Variants in FTO observed in about 807,000 individuals in gnomAD.
FTO encodes the protein alpha-ketoglutarate-dependent dioxygenase FTO.
FTO carries 47 observed loss-of-function variants against 63.9 expected under a neutral mutation model. The ratio of observed to expected loss-of-function variants is 0.74; its 90% confidence interval spans 0.58 to 0.94. The LOEUF (loss-of-function observed/expected upper bound fraction) is 0.94, where lower values mean the gene tolerates loss of function less well. FTO is among the 40% of genes least tolerant of loss of function. FTO has a pLI of 0.00. For synonymous variants in FTO, 207 were observed against 224.4 expected (o/e 0.92, Z 0.69); for missense variants, 562 against 618.1 (o/e 0.91, Z 0.96).
intron 7 of FTO, among the ~76,000 whole-genome samples, chr16:53,917,113 C>T (rs2081889652): frequency 6.6e-6 from 1 of 152,190 alleles, no homozygotes; most frequent in African/African-American, 2.4e-5. Flanking sequence ...TTCTGCCAGC[C>T]ATCCTTACTC....
At chr16:53,769,773 A>G (rs1263105116) in intron 1 of FTO, among the ~76,000 whole-genome samples, 2 of 152,092 alleles carry the variant, frequency 1.3e-5, no homozygotes, top group Non-Finnish European at 2.9e-5. Context: ...TTTCTTGTTT[A>G]TGTAACAGTA....
rs1336205015 is a variant in FTO, at chr16:54,097,613, G to A, written c.1365-14149G>A. Among the ~76,000 whole-genome samples the A allele has an allele frequency of 4.6e-5, 7 of 152,326 alleles. No individual in the cohort carries two copies. The East Asian group carries it at 1.2e-3, about 25-fold the overall frequency. On this transcript the variant is annotated intron_variant, in intron 8 of 8. Coordinates refer to ENST00000471389, the MANE Select transcript of FTO (RefSeq NM_001080432.3). ...ATGCAAGATGCTTTCAATCCCTTGTGCACTCCACAGTATTTATTGCTGCTA... is the reference window on the plus strand; with the variant it reads ...ATGCAAGATGCTTTCAATCCCTTGTACACTCCACAGTATTTATTGCTGCTA...
At chr16:53,867,493 A>G (rs868511067) in intron 4 of FTO, among the ~76,000 whole-genome samples, 304 of 140,424 alleles carry the variant, frequency 2.2e-3, no homozygotes, top group Middle Eastern at 7.5e-3. Flanking sequence ...TACGCCACAT[A>G]TGTGTGTGTG....
chr16:53,997,704 CTT>C (rs10595845), intron 8 of FTO, among the ~76,000 whole-genome samples: 103,735 of 149,230 alleles, frequency 0.7, 36,915 homozygotes, highest in African/African-American at 0.87. Context: ...TGATTTGGAT[CTT>C]TTTTTTTTTA....
At chr16:53,763,460 A>G (rs1018060852) in intron 1 of FTO, among the ~76,000 whole-genome samples, 12 of 152,192 alleles carry the variant, frequency 7.9e-5, no homozygotes, top group Non-Finnish European at 1.3e-4. Context: ...TGTGGAAGAA[A>G]GAATCAAATT....
chr16:53,711,388 G>A (rs896507885), intron 1 of FTO: 13 of 398,584 alleles, frequency 3.3e-5, no homozygotes, highest in Middle Eastern at 6.3e-4. Context: ...GTGTCGAGTA[G>A]TGTACTCAGC....
rs540879934 is a variant in FTO, at chr16:53,820,721, A to G, written c.124-5143A>G. Among the ~76,000 whole-genome samples the G allele has an allele frequency of 1.8e-3, 272 of 150,654 alleles. 1 individual carries two copies. The highest frequency in any genetic ancestry group is 6.3e-3 in the African/African-American group (259 of 40,956). On this transcript the variant is annotated intron_variant, in intron 2 of 8. Coordinates refer to ENST00000471389, the MANE Select transcript of FTO (RefSeq NM_001080432.3). ...TCAATTCCCACCTATGAGTGAGAAT[A>G]TGCGGTGTTTGGTTTTTTGTTCTTG...
At chr16:54,061,173 G>C (rs1489610270) in intron 8 of FTO, among the ~76,000 whole-genome samples, 1 of 152,116 alleles carries the variant, frequency 6.6e-6, no homozygotes, top group East Asian at 1.9e-4. Flanking sequence ...AGAAACATGC[G>C]GTGATTCGGA....
chr16:53,957,157 C>T lies in FTO; in HGVS notation c.1364+23048C>T, dbSNP rs1453200265. Among the ~76,000 whole-genome samples, 8 of 152,200 alleles carry T rather than the reference C, an allele frequency of 5.3e-5. No individual in the cohort carries two copies. The East Asian group carries it at 1.4e-3, about 26-fold the overall frequency. ...AAATTTTCTTATCCCCTGGCTTGCC[C>T]GGGGCTGGCATTTCTGACAGACGTG... On this transcript the variant is annotated intron_variant, in intron 8 of 8. Coordinates refer to ENST00000471389, the MANE Select transcript of FTO (RefSeq NM_001080432.3).
At chr16:54,082,509 CAT>C (rs1178400961) in intron 8 of FTO, among the ~76,000 whole-genome samples, 1 of 152,178 alleles carries the variant, frequency 6.6e-6, no homozygotes, top group Non-Finnish European at 1.5e-5. Context: ...ACATTGTTTT[CAT>C]ATGTGTTATG....
intron 8 of FTO, among the ~76,000 whole-genome samples, chr16:54,079,871 ATTTTTCTCTTCTTTT>A (rs1173593549): frequency 6.6e-6 from 1 of 152,020 alleles, no homozygotes; most frequent in Non-Finnish European, 1.5e-5. Flanking sequence ...ATCTCTATTT[ATTTTTCTCTTCTTTT>A]TAGGAACTAA....
chr16:54,095,555 A>G (rs1436593101), intron 8 of FTO, among the ~76,000 whole-genome samples: 2 of 151,540 alleles, frequency 1.3e-5, no homozygotes, highest in Non-Finnish European at 2.9e-5. Flanking sequence ...TTAGCTTTTC[A>G]TCCTGTCTCA....
In FTO at chr16:53,826,124, C is replaced by T. The variant is rs367910744; in HGVS notation, c.384C>T (p.Thr128=). The part of the protein sequence containing the change: ...WPVKGSNIKH[T]EAEIAAACET... ...TGAAAGGGTCTAATATAAAACACAC[C>T]GAGGCTGAAATAGCCGCTGCTTGTG... Residue 128 remains threonine, a synonymous_variant, in exon 3 of 9, where the codon ACC becomes ACT. Transcript: ENST00000471389. 17 of 1,614,014 alleles carry T rather than the reference C, an allele frequency of 1.1e-5. No individual in the cohort carries two copies. The Admixed American group carries it at 1.3e-4, about 13-fold the overall frequency.
chr16:54,118,758 G>A lies in FTO; in HGVS notation c.*6843G>A, dbSNP rs954867975. The A allele has an allele frequency of 1.1e-4, 16 of 152,146 alleles. No individual in the cohort carries two copies. The highest frequency in any genetic ancestry group is 2.6e-4 in the Admixed American group (4 of 15,270). 9.4% of individuals were successfully genotyped at this position (152,146 alleles called of 1,614,324 possible). A position where few individuals can be genotyped will look rare whatever the true frequency, so the allele number is the denominator to read the frequency against. ...CACCCTTCTTCCCTTCCCAGCCTCC[G>A]AGAGAAGGAGAGAGGGTCCACAAGC... On this transcript the variant is annotated 3_prime_UTR_variant, in exon 9 of 9. Transcript: ENST00000471389.
chr16:54,085,052 C>T (rs905265832), intron 8 of FTO, among the ~76,000 whole-genome samples: 1 of 147,444 alleles, frequency 6.8e-6, no homozygotes, highest in East Asian at 2.0e-4. Context: ...GCCTTACTTA[C>T]TGCTCCCTAA....
At chr16:53,973,529 G>A (rs1326864038) in intron 8 of FTO, among the ~76,000 whole-genome samples, 1 of 152,146 alleles carries the variant, frequency 6.6e-6, no homozygotes, top group Non-Finnish European at 1.5e-5. Flanking sequence ...GCAACAGGTT[G>A]GAAAGGGCTA....
rs1421270172 is a variant in FTO at position 54,115,671 on chromosome 16, G to A, written c.*3756G>A. On this transcript the variant is annotated 3_prime_UTR_variant, in exon 9 of 9. Coordinates refer to ENST00000471389, the MANE Select transcript of FTO (RefSeq NM_001080432.3). ...CCTGAAGCCGAGAAGACCAGGAGGGGAGAAGGGGAGATGTAGGGCAGAGCA... is the reference window on the plus strand; with the variant it reads ...CCTGAAGCCGAGAAGACCAGGAGGGAAGAAGGGGAGATGTAGGGCAGAGCA... 1.3e-5 allele frequency: 2 copies of A among 152,350 alleles called. No individual in the cohort carries two copies. The highest frequency in any genetic ancestry group is 2.9e-5 in the Non-Finnish European group (2 of 68,230). The allele number at this position is 152,350 out of a possible 1,614,324, so 9.4% of individuals were successfully genotyped here. A position where few individuals can be genotyped will look rare whatever the true frequency, so the allele number is the denominator to read the frequency against.
At position 53,879,863 on chromosome 16, in the gene FTO, A is replaced by G. The variant is rs201510895; in HGVS notation, c.995A>G (p.Asp332Gly). ...CAACAGTGCTCAACAGGAACCTTGG[A>G]TTATATTTTACAACGCTGTCAGTTG... Reference protein sequence around the residue: ...RVAECSTGTLDYILQRCQLAL... With the variant: ...RVAECSTGTLGYILQRCQLAL... The change falls in exon 6 of 9, where the codon GAT (aspartate) becomes GGT (glycine). Residue 332 changes from aspartate (D) to glycine (G), a missense_variant. By Grantham distance (94) the Asp-to-Gly change is moderately conservative (BLOSUM62 -1). Transcript: ENST00000471389. 415 of 1,613,900 alleles carry G rather than the reference A, an allele frequency of 2.6e-4. 1 individual carries two copies. Among genetic ancestry groups the G allele is most frequent in the Non-Finnish European group, 3.6e-5 (42 of 1,179,964 alleles).
At chr16:53,733,005 G>A (rs1231636815) in intron 1 of FTO, among the ~76,000 whole-genome samples, 2 of 152,220 alleles carry the variant, frequency 1.3e-5, no homozygotes, top group Non-Finnish European at 2.9e-5. Flanking sequence ...AGAGCCTTAA[G>A]ACCTCAAACC....
Sources: allele counts gnomAD v4.1 joint callset (sites outside exome capture counted in the v4.1 genomes callset), GRCh38; gene constraint gnomAD v4.1.1; transcripts MANE v1.5; gene names NCBI Gene and HGNC (gene_info 2026-07-23, HGNC 2026-07-21).